CELF2: variants seen among roughly 807,000 people sequenced by gnomAD.
CELF2 encodes the protein CUG triplet repeat RNA-binding protein 2.
A neutral mutation model predicts 62.6 loss-of-function variants in CELF2; 8 were observed. That is an observed-to-expected ratio of 0.13 (90% CI 0.07 to 0.23). The LOEUF is 0.23. Ranked by LOEUF, CELF2 falls within the 10% of genes least tolerant of loss-of-function variation. The probability of loss-of-function intolerance (pLI) is 1.00; values close to 1 mark genes in which losing one functional copy is unlikely to be tolerated. For synonymous variants in CELF2, 258 were observed against 250.0 expected (o/e 1.03, Z -0.30); for missense variants, 333 against 671.0 (o/e 0.50, Z 5.56).
the CELF2 span, among the ~76,000 whole-genome samples, chr10:10,597,378 C>A: frequency 6.6e-6 from 1 of 152,240 alleles, no homozygotes; most frequent in South Asian, 2.1e-4. Flanking sequence ...GTTTTTATGT[C>A]TCATATACCA....
chr10:10,617,717 GA>G, the CELF2 span, among the ~76,000 whole-genome samples: 2 of 148,844 alleles, frequency 1.3e-5, no homozygotes, highest in East Asian at 3.9e-4. Flanking sequence ...AAAGGGGGGG[GA>G]AATAGGTCCA....
At chr10:10,827,565 T>A (rs1169806621) in intron 1 of CELF2, among the ~76,000 whole-genome samples, 1 of 152,196 alleles carries the variant, frequency 6.6e-6, no homozygotes, top group African/African-American at 2.4e-5. Flanking sequence ...AAGGATGACC[T>A]AAAGTAGACT....
chr10:10,613,847 A>C, the CELF2 span, among the ~76,000 whole-genome samples: 1 of 152,212 alleles, frequency 6.6e-6, no homozygotes, highest in Non-Finnish European at 1.5e-5. Context: ...GATTCTTTGG[A>C]GTACCATAAC....
intron 2 of CELF2, among the ~76,000 whole-genome samples, chr10:10,958,895 G>T (rs1416417085): frequency 6.6e-6 from 1 of 152,046 alleles, no homozygotes; most frequent in Admixed American, 6.6e-5. Flanking sequence ...ACATCACAAG[G>T]TATGTATGTA....
At chr10:11,197,033 G>GAA (rs1362837603) in intron 2 of CELF2, among the ~76,000 whole-genome samples, 3 of 21,844 alleles carry the variant, frequency 1.4e-4, no homozygotes, top group African/African-American at 8.1e-4. Context: ...AGAAAAGAAA[G>GAA]AAAGAAAGAA....
chr10:11,058,474 T>G (rs566654248), intron 1 of CELF2, among the ~76,000 whole-genome samples: 7 of 147,268 alleles, frequency 4.8e-5, no homozygotes, highest in African/African-American at 7.5e-5. Context: ...TTTTTTTTTT[T>G]TTTTTTTTTT....
intron 1 of CELF2, among the ~76,000 whole-genome samples, chr10:11,067,177 A>G (rs1472805168): frequency 6.6e-6 from 1 of 152,192 alleles, no homozygotes; most frequent in Non-Finnish European, 1.5e-5. Context: ...ATAGAAATGT[A>G]TGAAGTGAAA....
intron 1 of CELF2, among the ~76,000 whole-genome samples, chr10:11,090,021 A>G (rs1489433632): frequency 2.0e-5 from 3 of 152,152 alleles, no homozygotes; most frequent in Non-Finnish European, 4.4e-5. Flanking sequence ...AGGAACTCCA[A>G]AGAGTTGGGA....
At chr10:10,489,229 T>A in the CELF2 span, among the ~76,000 whole-genome samples, 2 of 152,036 alleles carry the variant, frequency 1.3e-5, no homozygotes, top group African/African-American at 4.8e-5. Context: ...CTAACAAAAA[T>A]GAAACCTCAC....
chr10:11,334,142 A>G lies in CELF2; in HGVS notation c.*5089A>G, dbSNP rs888772104. On this transcript the variant is annotated 3_prime_UTR_variant, in exon 13 of 13. Coordinates refer to ENST00000633077, the MANE Select transcript of CELF2 (RefSeq NM_001326342.2). ...TGCAGTTACACAATAAGGTAATTAGATTTAGAAGTACTCAGTCACTTTAAG... is the reference window on the plus strand; with the variant it reads ...TGCAGTTACACAATAAGGTAATTAGGTTTAGAAGTACTCAGTCACTTTAAG... 4 of 152,654 alleles carry G rather than the reference A, an allele frequency of 2.6e-5. No homozygotes were observed. Among genetic ancestry groups the G allele is most frequent in the South Asian group, 4.1e-4 (2 of 4,832 alleles). 9.5% of individuals were successfully genotyped at this position (152,654 alleles called of 1,614,324 possible). A position where few individuals can be genotyped will look rare whatever the true frequency, so the allele number is the denominator to read the frequency against.
chr10:10,531,669 G>A, the CELF2 span, among the ~76,000 whole-genome samples: 16 of 152,180 alleles, frequency 1.1e-4, 1 homozygote. Context: ...TGTGAATTCT[G>A]CGGGAGGAAG....
At chr10:10,766,220 G>C in the CELF2 span, among the ~76,000 whole-genome samples, 2 of 152,220 alleles carry the variant, frequency 1.3e-5, no homozygotes, top group Non-Finnish European at 2.9e-5. Flanking sequence ...TTGGTTCCCA[G>C]ATTCGTACAT....
At chr10:10,677,676 G>A in the CELF2 span, among the ~76,000 whole-genome samples, 1 of 152,162 alleles carries the variant, frequency 6.6e-6, no homozygotes, top group Non-Finnish European at 1.5e-5. Flanking sequence ...CCACCCAGTG[G>A]TTTGTTCTCT....
chr10:10,943,344 C>G (rs938874661), intron 2 of CELF2, among the ~76,000 whole-genome samples: 2 of 152,102 alleles, frequency 1.3e-5, no homozygotes, highest in African/African-American at 4.8e-5. Context: ...CACATGGGGC[C>G]AAAGGAAGAG....
intron 1 of CELF2, among the ~76,000 whole-genome samples, chr10:10,821,054 T>C (rs536735909): frequency 9.2e-5 from 14 of 152,228 alleles, no homozygotes; most frequent in African/African-American, 3.4e-4. Flanking sequence ...ACATAAGGGA[T>C]TGGAGTGACA....
chr10:10,610,123 C>T, the CELF2 span, among the ~76,000 whole-genome samples: 1 of 152,162 alleles, frequency 6.6e-6, no homozygotes, highest in Admixed American at 6.5e-5. Context: ...GCTGCAATAC[C>T]CTTTGATATT....
At chr10:10,651,763 G>A in the CELF2 span, among the ~76,000 whole-genome samples, 888 of 151,882 alleles carry the variant, frequency 5.8e-3, 3 homozygotes, top group Non-Finnish European at 8.3e-3. Context: ...AAACCACAAA[G>A]ATGGGGAAAA....
chr10:10,909,471 A>G (rs1172829756), intron 1 of CELF2, among the ~76,000 whole-genome samples: 1 of 152,018 alleles, frequency 6.6e-6, no homozygotes, highest in African/African-American at 2.4e-5. Flanking sequence ...CCGTCACAAA[A>G]CTGCTTGTTC....
chr10:11,114,764 C>G (rs1564800774), intron 1 of CELF2, among the ~76,000 whole-genome samples: 1 of 152,188 alleles, frequency 6.6e-6, no homozygotes, highest in Non-Finnish European at 1.5e-5. Context: ...GATGTTTATA[C>G]TCTGAAAAGA....
Sources: allele counts gnomAD v4.1 joint callset (sites outside exome capture counted in the v4.1 genomes callset), GRCh38; gene constraint gnomAD v4.1.1; transcripts MANE v1.5; gene names NCBI Gene and HGNC (gene_info 2026-07-23, HGNC 2026-07-21).